GLMN: variants seen among roughly 807,000 people sequenced by gnomAD.
GLMN encodes the protein glomulin.
GLMN carries 75 observed loss-of-function variants against 87.8 expected under a neutral mutation model. The ratio of observed to expected loss-of-function variants is 0.85; its 90% CI spans 0.71 to 1.04. The LOEUF is 1.04. Ranked by LOEUF, GLMN falls within the 50% of genes least tolerant of loss-of-function variation. The pLI is 0.00. For missense variants in GLMN, 588 were observed against 658.8 expected, an observed-to-expected ratio of 0.89 and a Z score of 1.18; for synonymous variants, 206 against 221.6, an observed-to-expected ratio of 0.93 and a Z score of 0.63.
chr1:92,344,222 C>T, the GLMN span, among the ~76,000 whole-genome samples: 4 of 152,212 alleles, frequency 2.6e-5, no homozygotes, highest in East Asian at 5.8e-4. Context: ...TCAGCCTGGG[C>T]AACATAGTGA....
chr1:92,314,549 A>G, the GLMN span, among the ~76,000 whole-genome samples: 1 of 152,204 alleles, frequency 6.6e-6, no homozygotes, highest in African/African-American at 2.4e-5. Context: ...CAGGAGTTCA[A>G]GACCAGCCTG....
chr1:92,255,235 T>C (rs1208592375), intron 16 of GLMN, among the ~76,000 whole-genome samples: 2 of 152,028 alleles, frequency 1.3e-5, no homozygotes, highest in South Asian at 2.1e-4. Flanking sequence ...ATAAAGCCAA[T>C]ACAGAAACAC....
At chr1:92,300,271 A>C, upstream of GLMN, 1 of 1,534,948 alleles carries the variant, frequency 6.5e-7, no homozygotes, top group Non-Finnish European at 9.0e-7. Context: ...CTACATTGGC[A>C]TATCTACTTA....
At chr1:92,284,581 A>G (rs557191099) in intron 7 of GLMN, among the ~76,000 whole-genome samples, 23 of 152,346 alleles carry the variant, frequency 1.5e-4, no homozygotes, top group Middle Eastern at 3.4e-3. Context: ...CATGATTAAA[A>G]CACCAAAAGG....
At chr1:92,337,828 G>T in the GLMN span, among the ~76,000 whole-genome samples, 1 of 151,972 alleles carries the variant, frequency 6.6e-6, no homozygotes, top group African/African-American at 2.4e-5. Context: ...TTAAATACAG[G>T]TCTTCAAGGT....
At chr1:92,340,494 A>G in the GLMN span, among the ~76,000 whole-genome samples, 45 of 152,306 alleles carry the variant, frequency 3.0e-4, no homozygotes, top group African/African-American at 9.6e-4. Context: ...TGAAGTGACA[A>G]TCAATAATAG....
At chr1:92,310,604 A>G in the GLMN span, among the ~76,000 whole-genome samples, 1 of 152,292 alleles carries the variant, frequency 6.6e-6, no homozygotes, top group East Asian at 1.9e-4. Flanking sequence ...TAAAATAATA[A>G]TAAATTTTTA....
chr1:92,312,759 A>G, the GLMN span, among the ~76,000 whole-genome samples: 4 of 151,932 alleles, frequency 2.6e-5, no homozygotes, highest in Non-Finnish European at 4.4e-5. Context: ...ACTTCTTCCA[A>G]GCACTTGTTA....
At chr1:92,309,595 A>G in the GLMN span, among the ~76,000 whole-genome samples, 1 of 134,532 alleles carries the variant, frequency 7.4e-6, no homozygotes, top group Non-Finnish European at 1.5e-5. Context: ...ACACATACAC[A>G]TACACATACA....
chr1:92,306,896 A>T, the GLMN span, among the ~76,000 whole-genome samples: 1 of 152,214 alleles, frequency 6.6e-6, no homozygotes, highest in Non-Finnish European at 1.5e-5. Flanking sequence ...GCAAAACTGA[A>T]TATTTTTTAA....
upstream of GLMN, chr1:92,299,074 A>T: frequency 5.3e-6 from 8 of 1,499,306 alleles, no homozygotes; most frequent in Non-Finnish European, 7.2e-6. Context: ...ACTCTCCCCC[A>T]TGGCGGACTT....
chr1:92,250,495 T>C (rs1000605061), intron 16 of GLMN, among the ~76,000 whole-genome samples: 2 of 152,206 alleles, frequency 1.3e-5, no homozygotes, highest in African/African-American at 4.8e-5. Context: ...AGCATTTACA[T>C]TGCTGTATGT....
the GLMN span, among the ~76,000 whole-genome samples, chr1:92,367,352 G>A: frequency 2.0e-5 from 3 of 152,088 alleles, no homozygotes; most frequent in South Asian, 2.1e-4. Flanking sequence ...CGGCTTTTGC[G>A]TTTGTTTGAT....
the GLMN span, among the ~76,000 whole-genome samples, chr1:92,326,162 C>T: frequency 6.6e-6 from 1 of 151,700 alleles, no homozygotes; most frequent in Non-Finnish European, 1.5e-5. Flanking sequence ...ATGGGAGTTT[C>T]CTTGATTCCA....
intron 16 of GLMN, among the ~76,000 whole-genome samples, chr1:92,255,419 C>A (rs1654089968): frequency 6.6e-6 from 1 of 152,302 alleles, no homozygotes. Context: ...TAACAGACAT[C>A]TACAGAACTC....
intron 12 of GLMN, 25 bp downstream of exon 12, chr1:92,266,675 C>A: frequency 6.7e-7 from 1 of 1,493,482 alleles, no homozygotes; most frequent in Non-Finnish European, 9.3e-7. Context: ...ACTCATTATT[C>A]TTTAGTCACC....
the GLMN span, chr1:92,320,589 C>G: frequency 1.2e-6 from 2 of 1,609,922 alleles, no homozygotes; most frequent in South Asian, 1.1e-5. Context: ...TTTCTGTGTT[C>G]TTATTACAGG....
the GLMN span, among the ~76,000 whole-genome samples, chr1:92,357,966 G>A: frequency 6.6e-6 from 1 of 152,168 alleles, no homozygotes; most frequent in Admixed American, 6.5e-5. Context: ...TCGCCCTGTT[G>A]CCTAGGCTGC....
At chr1:92,270,321 G>A (rs1656109939) in intron 8 of GLMN, among the ~76,000 whole-genome samples, 1 of 152,134 alleles carries the variant, frequency 6.6e-6, no homozygotes, top group Admixed American at 6.5e-5. Context: ...AAGAGTATAG[G>A]CTCTGGGGTC....
Sources: allele counts gnomAD v4.1 joint callset (sites outside exome capture counted in the v4.1 genomes callset), GRCh38; gene constraint gnomAD v4.1.1; transcripts MANE v1.5; gene names NCBI Gene and HGNC (gene_info 2026-07-23, HGNC 2026-07-21).